BMP2K: variants seen among roughly 807,000 people sequenced by gnomAD.
The protein encoded by BMP2K is BMP2 inducible kinase.
In BMP2K, 74 loss-of-function variants were observed where a neutral mutation model predicts 116.0. That is an observed-to-expected ratio of 0.64 (90% CI 0.53 to 0.77). The LOEUF (loss-of-function observed/expected upper bound fraction) is 0.77. Ranked by LOEUF, BMP2K falls within the 30% of genes least tolerant of loss-of-function variation. BMP2K has a pLI of 0.00. For synonymous variants in BMP2K, 486 were observed against 502.5 expected, an observed-to-expected ratio of 0.97 and a Z score of 0.44; for missense variants, 1,365 against 1,403.6, an observed-to-expected ratio of 0.97 and a Z score of 0.44.
intron 7 of BMP2K, chr4:78,859,224 G>C (rs1731651048): frequency 6.2e-6 from 1 of 161,972 alleles, no homozygotes; most frequent in African/African-American, 2.4e-5. Flanking sequence ...TAATTATTTT[G>C]AATAGAATTA....
At chr4:78,835,627 CAAA>C (rs561192085) in intron 3 of BMP2K, among the ~76,000 whole-genome samples, 30 of 69,504 alleles carry the variant, frequency 4.3e-4, no homozygotes, top group Middle Eastern at 0.01. Context: ...GACTCCGTGT[CAAA>C]AAAAAAAAAA....
chr4:78,777,663 G>A (rs761369786), intron 1 of BMP2K, among the ~76,000 whole-genome samples: 5 of 152,098 alleles, frequency 3.3e-5, no homozygotes, highest in Non-Finnish European at 7.4e-5. Context: ...GTTGATAAAT[G>A]GCCCTTTTAA....
chr4:78,864,537 G>A (rs1380580741), intron 9 of BMP2K, among the ~76,000 whole-genome samples: 1 of 149,406 alleles, frequency 6.7e-6, no homozygotes, highest in Non-Finnish European at 1.5e-5. Context: ...ATAATTCTAA[G>A]ATCTTTTGAT....
chr4:78,849,605 T>A (rs1007938936), intron 6 of BMP2K, among the ~76,000 whole-genome samples: 1 of 151,546 alleles, frequency 6.6e-6, no homozygotes, highest in Non-Finnish European at 1.5e-5. Flanking sequence ...CATTTTTTTT[T>A]AAGTGTTGTT....
At chr4:78,867,585 T>C (rs1200588888) in intron 10 of BMP2K, among the ~76,000 whole-genome samples, 1 of 152,204 alleles carries the variant, frequency 6.6e-6, no homozygotes, top group African/African-American at 2.4e-5. Context: ...ATACAAAAAT[T>C]AACACGTGAG....
intron 7 of BMP2K, among the ~76,000 whole-genome samples, chr4:78,852,319 T>C (rs1055441086): frequency 1.3e-5 from 2 of 152,168 alleles, no homozygotes; most frequent in South Asian, 2.1e-4. Context: ...CTAATTTTAG[T>C]TTTTATCATT....
At position 78,865,496 on chromosome 4, in the gene BMP2K, A is replaced by C. The variant is rs540672220; in HGVS notation, c.1068-61A>C. 7.3e-6 allele frequency: 11 copies of C among 1,503,712 alleles called. No homozygotes were observed. In the South Asian group the frequency reaches 1.3e-4, roughly 17 times the overall value. The allele number at this position is 1,503,712 out of a possible 1,614,324, so 93.1% of individuals were successfully genotyped here. A position where few individuals can be genotyped will look rare whatever the true frequency, so the allele number is the denominator to read the frequency against. Reference sequence around the variant, plus strand: ...ATCTGTTGAGTTGGATGCTTTATAGAATAAATAGTAAATTAGAAATAATCC... The same window carrying C: ...ATCTGTTGAGTTGGATGCTTTATAGCATAAATAGTAAATTAGAAATAATCC... On this transcript the variant is annotated intron_variant, in intron 9 of 15. Transcript: ENST00000502613.
rs1472488492 is a variant in BMP2K, at chr4:78,874,656, G to C, written c.1793+1858G>C. Reference sequence around the variant, plus strand: ...TACTTCATATTCTAAAAGTCTGTCAGCTCCTGGAAGCAAAGTTATGTCACT... The same window carrying C: ...TACTTCATATTCTAAAAGTCTGTCACCTCCTGGAAGCAAAGTTATGTCACT... On this transcript the variant is annotated intron_variant, in intron 13 of 15. Transcript: ENST00000502613. Among the ~76,000 whole-genome samples, 5 of 152,270 alleles carry C rather than the reference G, an allele frequency of 3.3e-5. No homozygotes were observed. The East Asian group carries it at 9.6e-4, about 29-fold the overall frequency.
intron 1 of BMP2K, among the ~76,000 whole-genome samples, chr4:78,785,486 G>A (rs1727686960): frequency 1.3e-5 from 2 of 152,130 alleles, no homozygotes; most frequent in Non-Finnish European, 2.9e-5. Context: ...TGAGATCCGG[G>A]TAGAAGCTCA....
rs373027550 is a variant in BMP2K at position 78,899,982 on chromosome 4, T to C, written c.2063-10628T>C. On this transcript the variant is annotated intron_variant, in intron 15 of 15. Coordinates refer to ENST00000502613, the MANE Select transcript of BMP2K (RefSeq NM_198892.2). The stretch of plus-strand genomic sequence containing the variant: ...TATATGATGTGAGAGTGAGTGTTGA[T>C]ATATACAGTCGATCCTTGAACAACA... 3.5e-4 allele frequency among the ~76,000 whole-genome samples: 53 copies of C among 152,316 alleles called. No homozygotes were observed. The South Asian group carries it at 0.011, about 30-fold the overall frequency.
At chr4:78,863,107 A>C (rs1731872987) in intron 9 of BMP2K, among the ~76,000 whole-genome samples, 1 of 152,110 alleles carries the variant, frequency 6.6e-6, no homozygotes, top group Non-Finnish European at 1.5e-5. Flanking sequence ...TAGAGTTACA[A>C]GACAATGAAA....
chr4:78,812,314 C>G (rs947781756), intron 1 of BMP2K, among the ~76,000 whole-genome samples: 3 of 152,080 alleles, frequency 2.0e-5, no homozygotes, highest in South Asian at 4.1e-4. Flanking sequence ...AACAATTCCC[C>G]TTCTCTCAGC....
At chr4:78,829,788 T>TTCTTTTCTTTTCTTTTC (rs1225884740) in intron 2 of BMP2K, among the ~76,000 whole-genome samples, 5 of 59,200 alleles carry the variant, frequency 8.4e-5, no homozygotes, top group African/African-American at 2.2e-4. Flanking sequence ...TTCTTTTCTT[T>TTCTTTTCTTTTCTTTTC]TCTCTTCTCT....
At chr4:78,878,123 G>A (rs1732720371) in intron 13 of BMP2K, among the ~76,000 whole-genome samples, 1 of 152,054 alleles carries the variant, frequency 6.6e-6, no homozygotes, top group Admixed American at 6.6e-5. Flanking sequence ...TTTATTATAT[G>A]CAAAAATAAC....
intron 1 of BMP2K, among the ~76,000 whole-genome samples, chr4:78,799,097 C>T (rs1246848385): frequency 6.6e-6 from 1 of 152,170 alleles, no homozygotes; most frequent in Non-Finnish European, 1.5e-5. Flanking sequence ...CAGTGCCGTT[C>T]TAATTTTTAC....
intron 2 of BMP2K, among the ~76,000 whole-genome samples, chr4:78,830,383 G>C (rs1042793962): frequency 6.6e-6 from 1 of 152,190 alleles, no homozygotes. Context: ...AACAGAGTAG[G>C]TTTAGCATAG....
At chr4:78,794,773 G>C (rs1728172699) in intron 1 of BMP2K, among the ~76,000 whole-genome samples, 18 of 152,128 alleles carry the variant, frequency 1.2e-4, no homozygotes, top group Admixed American at 1.2e-3. Context: ...GTGTTTTCCA[G>C]GTTGGTCTTG....
chr4:78,915,135 C>T lies in BMP2K; in HGVS notation c.*3102C>T, dbSNP rs563330126. Reference sequence around the variant, plus strand: ...AGGAGTGTAATTATTTTCCCTTACCCCAATCCCTGTGTACGTGTTGGGTAT... The same window carrying T: ...AGGAGTGTAATTATTTTCCCTTACCTCAATCCCTGTGTACGTGTTGGGTAT... On this transcript the variant is annotated 3_prime_UTR_variant, in exon 16 of 16. Transcript: ENST00000502613. The T allele has an allele frequency of 4.6e-5, 7 of 151,946 alleles. No individual in the cohort carries two copies. The highest frequency in any genetic ancestry group is 1.3e-4 in the Admixed American group (2 of 15,222). 9.4% of individuals were successfully genotyped at this position (151,946 alleles called of 1,614,324 possible).
rs1731229006 is a variant in BMP2K, at chr4:78,851,038, A to G, written c.865A>G (p.Asn289Asp). 1 of 1,611,044 alleles carries G rather than the reference A, an allele frequency of 6.2e-7. No individual in the cohort carries two copies. Residue 289 changes from asparagine (N) to aspartate (D), a missense_variant, in exon 7 of 16, where the codon AAC (asparagine) becomes GAC (aspartate). Coordinates refer to ENST00000502613, the MANE Select transcript of BMP2K (RefSeq NM_198892.2). ...TIPDNSRYSR[N>D]IHCLIRFMLE... Reference sequence around the variant, plus strand: ...CCCAGACAATTCTCGTTACTCCCGTAACATACATTGCTTAATAAGTAAGTA... The same window carrying G: ...CCCAGACAATTCTCGTTACTCCCGTGACATACATTGCTTAATAAGTAAGTA...
Sources: gnomAD v4.1 joint callset for allele counts (sites outside exome capture counted in the v4.1 genomes callset) on GRCh38, gnomAD v4.1.1 for gene constraint, MANE v1.5 for transcripts, NCBI Gene and HGNC (gene_info 2026-07-23, HGNC 2026-07-21) for gene names.